Variants in ENO1 observed in about 807,000 individuals in gnomAD.
The protein encoded by ENO1 is alpha-enolase.
In ENO1, 33 loss-of-function variants were observed where a neutral mutation model predicts 46.3. The ratio of observed to expected loss-of-function variants is 0.71; its 90% CI spans 0.54 to 0.95. The LOEUF is 0.95. ENO1 is among the 40% of genes least tolerant of loss of function. ENO1 has a pLI of 0.00. For synonymous variants in ENO1, 220 were observed against 216.0 expected (o/e 1.02, Z -0.16); for missense variants, 488 against 553.3 (o/e 0.88, Z 1.18).
intron 10 of ENO1, 139 bp from the exon 11 acceptor site, chr1:8,863,084 G>T: frequency 7.4e-7 from 1 of 1,345,124 alleles, no homozygotes; most frequent in Non-Finnish European, 1.0e-6. Flanking sequence ...TACAGGCAGG[G>T]CGCTCATGCC....
At chr1:8,862,664 A>C (rs1051970955) in intron 11 of ENO1, among the ~76,000 whole-genome samples, 1 of 152,240 alleles carries the variant, frequency 6.6e-6, no homozygotes, top group African/African-American at 2.4e-5. Flanking sequence ...ACTGTGTGGA[A>C]CAGGCTCCTG....
At chr1:8,870,601 C>CG (rs1642610811) in intron 3 of ENO1, 91 bp from the exon 4 acceptor site, 2 of 1,577,146 alleles carry the variant, frequency 1.3e-6, no homozygotes, top group African/African-American at 2.7e-5. Flanking sequence ...GAGGCCGACG[C>CG]GGAAGCCCAC....
intron 1 of ENO1, chr1:8,875,756 T>C (rs535426546): frequency 3.6e-4 from 55 of 152,288 alleles, no homozygotes; most frequent in African/African-American, 1.1e-3. Context: ...TGTTATGTCA[T>C]TAATGATAAC....
chr1:8,866,921 C>T (rs1336210591), intron 6 of ENO1, among the ~76,000 whole-genome samples, 196 bp downstream of exon 6: 8 of 152,178 alleles, frequency 5.3e-5, no homozygotes, highest in Non-Finnish European at 7.3e-5. Context: ...ATTTCCTCCC[C>T]GAGCCTCCAT....
At chr1:8,867,706 T>A (rs1642551514) in intron 5 of ENO1, among the ~76,000 whole-genome samples, 1 of 152,080 alleles carries the variant, frequency 6.6e-6, no homozygotes. Flanking sequence ...ATTTTTTGTA[T>A]TTTTTAGTGG....
chr1:8,873,357 A>G (rs1240682848), intron 2 of ENO1, among the ~76,000 whole-genome samples: 1 of 152,192 alleles, frequency 6.6e-6, no homozygotes, highest in Admixed American at 6.5e-5. Flanking sequence ...AGAGAGAGAG[A>G]TGAAAGGTTC....
intron 3 of ENO1, chr1:8,871,648 T>C: frequency 7.6e-7 from 1 of 1,317,546 alleles, no homozygotes; most frequent in Non-Finnish European, 9.7e-7. Context: ...GGGAACAAAC[T>C]GCAATAGAAG....
At chr1:8,861,493 G>C in intron 11 of ENO1, 64 bp from the exon 12 acceptor site, 5 of 1,572,876 alleles carry the variant, frequency 3.2e-6, no homozygotes, top group Non-Finnish European at 4.4e-6. Flanking sequence ...CAAGTTTTAA[G>C]TTTTCCCATC....
intron 3 of ENO1, chr1:8,871,000 G>A (rs774147607): frequency 6.4e-5 from 79 of 1,242,562 alleles, no homozygotes; most frequent in Non-Finnish European, 7.8e-5. Context: ...GCATTTCAGG[G>A]GCCATGCGTT....
rs767187362 is a variant in ENO1 at position 8,866,374 on chromosome 1, T to C, written c.572A>G (p.Asn191Ser). ...AMRIGAEVYH[N>S]LKNVIKEKYG... ...TTTCTCCTTGATGACATTCTTCAGG[T>C]TGTGGTAAACCTCTGCTCCAATGCG... The change falls in exon 7 of 12, where the codon AAC becomes AGC. Residue 191 changes from asparagine to serine, a missense_variant. Transcript: ENST00000234590. 3.5e-5 allele frequency: 56 copies of C among 1,614,222 alleles called. No individual in the cohort carries two copies. Among genetic ancestry groups the C allele is most frequent in the South Asian group, 2.5e-4 (23 of 91,086 alleles).
chr1:8,871,496 CT>C, intron 3 of ENO1: 1 of 1,015,460 alleles, frequency 9.8e-7, no homozygotes, highest in Non-Finnish European at 1.2e-6. Context: ...TCCCTGGATC[CT>C]TTCTAGCCCG....
At chr1:8,870,341 A>T in intron 4 of ENO1, 111 bp downstream of exon 4, 1 of 1,373,934 alleles carries the variant, frequency 7.3e-7, no homozygotes, top group Non-Finnish European at 1.0e-6. Context: ...AGGGAATCCA[A>T]TAGGCTTCTA....
At chr1:8,861,486 G>GT in intron 11 of ENO1, 57 bp from the exon 12 acceptor site, 1 of 1,591,636 alleles carries the variant, frequency 6.3e-7, no homozygotes, top group South Asian at 1.1e-5. Context: ...CAGACCTCAA[G>GT]TTTTAAGTTT....
chr1:8,871,841 G>C, intron 3 of ENO1, 50 bp downstream of exon 3: 8 of 1,589,338 alleles, frequency 5.0e-6, no homozygotes, highest in Non-Finnish European at 6.9e-6. Context: ...GCAAGGCCAG[G>C]AATGGGGCTG....
intron 8 of ENO1, 92 bp from the exon 9 acceptor site, chr1:8,864,184 C>A (rs28999092): frequency 1.4e-6 from 2 of 1,400,944 alleles, no homozygotes; most frequent in African/African-American, 2.8e-5. Context: ...ACTTGCTGCT[C>A]GCCTGGCCTC....
chr1:8,866,060 G>A (rs756154656), intron 7 of ENO1: 38 of 461,800 alleles, frequency 8.2e-5, no homozygotes, highest in Non-Finnish European at 1.1e-4. Flanking sequence ...CAGCCTGGGC[G>A]ACAGAGACTC....
chr1:8,871,323 T>C, intron 3 of ENO1: 1 of 992,370 alleles, frequency 1.0e-6, no homozygotes, highest in Non-Finnish European at 1.2e-6. Context: ...CCACATGTTC[T>C]ATCTCTAGAA....
intron 1 of ENO1, chr1:8,876,245 G>A (rs528224525): frequency 1.3e-5 from 2 of 152,316 alleles, no homozygotes. Flanking sequence ...GAGGTGGCAA[G>A]TGGCAGGTTT....
intron 8 of ENO1, 68 bp from the exon 9 acceptor site, chr1:8,864,160 T>C: frequency 6.4e-7 from 1 of 1,561,088 alleles, no homozygotes; most frequent in Non-Finnish European, 8.8e-7. Flanking sequence ...ATGCCCAGCC[T>C]TGCTTCCCCC....
Sources: gnomAD v4.1 joint callset for allele counts (sites outside exome capture counted in the v4.1 genomes callset) on GRCh38, gnomAD v4.1.1 for gene constraint, MANE v1.5 for transcripts, NCBI Gene and HGNC (gene_info 2026-07-23, HGNC 2026-07-21) for gene names.